SSBP2: variants seen among roughly 807,000 people sequenced by gnomAD.
SSBP2 encodes single stranded DNA binding protein 2, also known as single-stranded DNA-binding protein 2.
A neutral mutation model predicts 61.8 loss-of-function variants in SSBP2; 17 were observed. That is an observed-to-expected ratio of 0.28 (90% CI 0.19 to 0.41). The LOEUF (loss-of-function observed/expected upper bound fraction) is 0.41, where lower values mean the gene tolerates loss of function less well. SSBP2 is among the 10% of genes least tolerant of loss of function. The pLI is 1.00. For missense variants in SSBP2, 310 were observed against 458.7 expected (o/e 0.68, Z 2.96); for synonymous variants, 139 against 141.3 (o/e 0.98, Z 0.12).
At chr5:81,551,831 T>C (rs73133692) in intron 4 of SSBP2, among the ~76,000 whole-genome samples, 14,856 of 152,224 alleles carry the variant, frequency 0.098, 841 homozygotes, top group African/African-American at 0.13. Flanking sequence ...TCCTGGTACT[T>C]AAAAAATATC....
At chr5:81,664,125 T>C (rs1024844658) in intron 1 of SSBP2, among the ~76,000 whole-genome samples, 1 of 122,288 alleles carries the variant, frequency 8.2e-6, no homozygotes, top group African/African-American at 3.5e-5. Context: ...TGTTTTTTGT[T>C]TTTGTTTTTT....
intron 1 of SSBP2, among the ~76,000 whole-genome samples, chr5:81,690,861 C>A (rs1753151427): frequency 6.6e-6 from 1 of 152,080 alleles, no homozygotes. Context: ...GAAATTATAT[C>A]AAATAACTTC....
intron 2 of SSBP2, among the ~76,000 whole-genome samples, chr5:81,640,232 CAGG>C (rs1748652157): frequency 6.6e-6 from 1 of 152,130 alleles, no homozygotes; most frequent in East Asian, 1.9e-4. Context: ...CCCAGCTACT[CAGG>C]AGGCGGAGGC....
intron 1 of SSBP2, among the ~76,000 whole-genome samples, chr5:81,738,469 C>G (rs1307794210): frequency 1.3e-5 from 2 of 152,200 alleles, no homozygotes; most frequent in Non-Finnish European, 2.9e-5. Context: ...GCCTAGACTT[C>G]TTCCAGGAAC....
At chr5:81,636,011 A>G (rs1748192894) in intron 3 of SSBP2, among the ~76,000 whole-genome samples, 2 of 152,128 alleles carry the variant, frequency 1.3e-5, no homozygotes, top group Admixed American at 6.5e-5. Flanking sequence ...GGCATTACCA[A>G]TGTGATGGTA....
At chr5:81,424,694 A>C (rs1201765089) in intron 16 of SSBP2, among the ~76,000 whole-genome samples, 1 of 152,226 alleles carries the variant, frequency 6.6e-6, no homozygotes, top group East Asian at 1.9e-4. Flanking sequence ...ATTTCTAGGA[A>C]AACTCACAGA....
intron 9 of SSBP2, among the ~76,000 whole-genome samples, chr5:81,463,476 G>A (rs1028662720): frequency 2.6e-5 from 4 of 152,130 alleles, no homozygotes; most frequent in African/African-American, 9.7e-5. Context: ...GAGGCGGGGG[G>A]ACCACTTGAG....
At chr5:81,430,024 G>A (rs1254062490) in intron 15 of SSBP2, among the ~76,000 whole-genome samples, 1 of 152,056 alleles carries the variant, frequency 6.6e-6, no homozygotes, top group Non-Finnish European at 1.5e-5. Flanking sequence ...AGTTATCCAA[G>A]TATATAGAAA....
At chr5:81,578,704 G>A (rs1774417351) in intron 4 of SSBP2, among the ~76,000 whole-genome samples, 1 of 151,796 alleles carries the variant, frequency 6.6e-6, no homozygotes. Context: ...ATTTACACCA[G>A]TAAAGGTAAA....
chr5:81,659,394 C>T (rs10059425), intron 1 of SSBP2, among the ~76,000 whole-genome samples: 13,579 of 152,128 alleles, frequency 0.089, 1,471 homozygotes, highest in African/African-American at 0.26. Flanking sequence ...AGAGCCAAAT[C>T]ATGAATGAAC....
intron 5 of SSBP2, among the ~76,000 whole-genome samples, chr5:81,496,658 A>G (rs1163390937): frequency 6.6e-6 from 1 of 152,226 alleles, no homozygotes; most frequent in East Asian, 1.9e-4. Context: ...TACTTATGCA[A>G]TGTTATTTGA....
chr5:81,539,750 AT>A (rs768235678), intron 4 of SSBP2, among the ~76,000 whole-genome samples: 5 of 152,052 alleles, frequency 3.3e-5, no homozygotes, highest in Non-Finnish European at 7.4e-5. Flanking sequence ...CTTAGCAATA[AT>A]TTTTTTATTA....
chr5:81,597,158 T>C (rs1743842212), intron 4 of SSBP2, among the ~76,000 whole-genome samples: 1 of 151,844 alleles, frequency 6.6e-6, no homozygotes, highest in Admixed American at 6.6e-5. Context: ...TCAAACAAAT[T>C]TACATGAAAA....
chr5:81,751,429 C>G (rs937650777), upstream of SSBP2, among the ~76,000 whole-genome samples: 1 of 152,150 alleles, frequency 6.6e-6, no homozygotes, highest in African/African-American at 2.4e-5. Context: ...GTTCTCTCCG[C>G]CGCCACCCCT....
intron 1 of SSBP2, among the ~76,000 whole-genome samples, chr5:81,734,347 A>C (rs145152130): frequency 2.0e-5 from 3 of 152,168 alleles, no homozygotes; most frequent in African/African-American, 7.2e-5. Flanking sequence ...TGGCAAAACT[A>C]TTTTTCACTT....
chr5:81,676,385 T>C (rs754792550), intron 1 of SSBP2, among the ~76,000 whole-genome samples: 74 of 152,292 alleles, frequency 4.9e-4, no homozygotes, highest in Middle Eastern at 6.8e-3. Flanking sequence ...CCATCATCGG[T>C]AGACCTTCAT....
chr5:81,528,089 T>C (rs982203447), intron 4 of SSBP2, among the ~76,000 whole-genome samples: 1 of 152,010 alleles, frequency 6.6e-6, no homozygotes, highest in African/African-American at 2.4e-5. Flanking sequence ...CCGTATTATA[T>C]TGAGATTTTG....
rs144290498 is a variant in SSBP2, at chr5:81,538,075, G to A, written c.283-24358C>T. ...TGATCAAGCTCAGTGAGTAAGGCACGTCAAAAGCCAAGATAGGCCGAAAGC... is the reference window on the plus strand; with the variant it reads ...TGATCAAGCTCAGTGAGTAAGGCACATCAAAAGCCAAGATAGGCCGAAAGC... On this transcript the variant is annotated intron_variant, in intron 4 of 16. Transcript: ENST00000320672. Among the ~76,000 whole-genome samples, 19 of 152,280 alleles carry A rather than the reference G, an allele frequency of 1.2e-4. No homozygotes were observed. In the East Asian group the frequency reaches 2.7e-3, roughly 22 times the overall value.
chr5:81,653,651 C>G (rs1320076916), intron 1 of SSBP2, among the ~76,000 whole-genome samples: 1 of 152,124 alleles, frequency 6.6e-6, no homozygotes, highest in African/African-American at 2.4e-5. Context: ...TAACTGGCAT[C>G]AGATGGTATC....
Sources: allele counts gnomAD v4.1 joint callset (sites outside exome capture counted in the v4.1 genomes callset), GRCh38; gene constraint gnomAD v4.1.1; transcripts MANE v1.5; gene names NCBI Gene and HGNC (gene_info 2026-07-23, HGNC 2026-07-21).